Variants in SELE observed in about 807,000 individuals in gnomAD.
SELE encodes E-selectin.
A neutral mutation model predicts 75.8 loss-of-function variants in SELE; 52 were observed. The observed-to-expected ratio is 0.69, with a 90% confidence interval of 0.55 to 0.86. SELE has a LOEUF of 0.86. SELE is among the 40% of genes least tolerant of loss of function. The pLI, the probability that SELE is intolerant of heterozygous loss-of-function variation, is 0.00. For missense variants in SELE, 754 were observed against 732.7 expected (o/e 1.03, Z -0.34); for synonymous variants, 285 against 258.7 (o/e 1.10, Z -0.98).
chr1:169,730,610 G>A lies in SELE; in HGVS notation c.537C>T (p.Asn179=), dbSNP rs57043534. 210 of 1,599,982 alleles carry A rather than the reference G, an allele frequency of 1.3e-4. 2 individuals are homozygous for A. In the African/African-American group the frequency reaches 2.5e-3, roughly 19 times the overall value. ...FSGLKCEQIV[N]CTALESPEHG... ...GCTCAGGGGATTCCAGGGCTGTACA[G>A]TTCACAACTGAAAAAGAAACCCAAA... The change falls in exon 5 of 14, where the codon AAC becomes AAT. Residue 179 remains asparagine (N), a synonymous_variant. Transcript: ENST00000333360.
chr1:169,733,431 G>A, intron 2 of SELE, 145 bp downstream of exon 2: 1 of 784,758 alleles, frequency 1.3e-6, no homozygotes, highest in Non-Finnish European at 2.2e-6. Flanking sequence ...ATGACCCCAA[G>A]CCCAGGGAAG....
chr1:169,727,249 CT>C (rs1187120354), intron 10 of SELE, 99 bp downstream of exon 10: 1 of 1,349,320 alleles, frequency 7.4e-7, no homozygotes, highest in Admixed American at 2.4e-5. Flanking sequence ...CCTGGGCGAA[CT>C]TTCTGGTTTG....
Position 169,727,389 on chromosome 1 carries a change from T to A in SELE, c.1605A>T (p.Gly535=). 6.2e-7 allele frequency: 1 copy of A among 1,614,144 alleles called. No individual in the cohort carries two copies. Among genetic ancestry groups the A allele is most frequent in the Non-Finnish European group, 8.5e-7 (1 of 1,180,016 alleles). Residue 535 remains glycine, a synonymous_variant, in exon 10 of 14, where the codon GGA becomes GGT. Transcript: ENST00000333360. ...TLNGSAARTC[G]ATGHWSGLLP... is the part of the protein sequence containing the mutation. ...GCAGGCCAGACCAGTGTCCTGTGGC[T>A]CCACATGTCCGAGCTGCAGAGCCAT...
intron 3 of SELE, among the ~76,000 whole-genome samples, chr1:169,732,298 T>C (rs1385681308): frequency 6.6e-6 from 1 of 150,686 alleles, no homozygotes; most frequent in Admixed American, 6.7e-5. Context: ...ATATTTTATA[T>C]ATATACATAC....
intron 1 of SELE, 23 bp from the exon 2 acceptor site, chr1:169,733,683 G>A: frequency 6.9e-7 from 1 of 1,449,148 alleles, no homozygotes. Context: ...AACACAAAAT[G>A]AATTAAAGAA....
chr1:169,725,826 G>C, intron 12 of SELE, 25 bp from the exon 13 acceptor site: 1 of 1,613,858 alleles, frequency 6.2e-7, no homozygotes, highest in Non-Finnish European at 8.5e-7. Flanking sequence ...AGAACACTAG[G>C]TAAAGCACTG....
chr1:169,730,281 C>T (rs557651968), intron 5 of SELE, 151 bp downstream of exon 5: 4 of 638,098 alleles, frequency 6.3e-6, no homozygotes, highest in East Asian at 2.8e-5. Context: ...ACTGGGTTGG[C>T]AATATACATT....
rs1221877702 is a variant in SELE at position 169,730,440 on chromosome 1, G to T, written c.707C>A (p.Ala236Asp). 4.4e-6 allele frequency: 7 copies of T among 1,588,634 alleles called. No individual in the cohort carries two copies. The Admixed American group carries it at 5.0e-5, about 11-fold the overall frequency. ...SSGEWSAPIP[A>D]CNVVECDAVT... ...TTCTCAGAGGGATTTACCATTGCAGGCTGGAATAGGAGCACTCCATTCTCC... is the reference window on the plus strand; with the variant it reads ...TTCTCAGAGGGATTTACCATTGCAGTCTGGAATAGGAGCACTCCATTCTCC... The change falls in exon 5 of 14, where the codon GCC (alanine) becomes GAC (aspartate). Residue 236 changes from alanine (A) to aspartate (D), a missense_variant. Physicochemically the swap from Ala to Asp is moderately radical, Grantham distance 126. Coordinates refer to ENST00000333360, the MANE Select transcript of SELE (RefSeq NM_000450.2).
In SELE at chr1:169,725,759, A is replaced by T. The variant is rs376451306; in HGVS notation, c.1818T>A (p.Pro606=). The T allele has an allele frequency of 6.2e-7, 1 of 1,613,964 alleles. No homozygotes were observed. The highest frequency in any genetic ancestry group is 8.5e-7 in the Non-Finnish European group (1 of 1,179,964). ...TCTTTTGAACTTAAAGGATGTAAGA[A>T]GGCTTTTGGTAGCTTCCATCTGATT... is the stretch of plus-strand genomic sequence containing the variant. The part of the protein sequence containing the change: ...SLESDGSYQK[P]SYIL Residue 606 remains proline, a synonymous_variant, in exon 13 of 14, where the codon CCT becomes CCA. Transcript: ENST00000333360.
intron 5 of SELE, 23 bp downstream of exon 5, chr1:169,730,409 T>A (rs763665825): frequency 6.4e-7 from 1 of 1,550,948 alleles, no homozygotes; most frequent in Admixed American, 1.8e-5. Context: ...CAGAACGTTC[T>A]GTGCATTCTC....
rs1001750675 is a variant in SELE at position 169,727,741 on chromosome 1, T to C, written c.1466A>G (p.Gln489Arg). ...GQWTEEVPSC[Q>R]VVKCSSLAVP... ...AAAAAGTCTGCACTCAATTCTACCT[T>C]GGCAGGAAGGAACCTCTTCTGTCCA... is the stretch of plus-strand genomic sequence containing the variant. The change falls in exon 9 of 14, where the codon CAA (glutamine) becomes CGA (arginine). Residue 489 changes from glutamine (Q) to arginine (R), a missense_variant and splice_region_variant. Transcript: ENST00000333360. The C allele has an allele frequency of 6.2e-7, 1 of 1,613,506 alleles. No homozygotes were observed. Among genetic ancestry groups the C allele is most frequent in the Non-Finnish European group, 8.5e-7 (1 of 1,179,628 alleles).
At chr1:169,732,381 TAC>T (rs145745131) in intron 3 of SELE, among the ~76,000 whole-genome samples, 11,681 of 149,620 alleles carry the variant, frequency 0.078, 544 homozygotes, top group Middle Eastern at 0.11. Context: ...TATATATATA[TAC>T]ACACACACAT....
At chr1:169,733,057 A>T (rs772013048) in intron 2 of SELE, 59 bp from the exon 3 acceptor site, 5 of 1,460,704 alleles carry the variant, frequency 3.4e-6, no homozygotes, top group Non-Finnish European at 4.5e-6. Flanking sequence ...TTTAACTCTG[A>T]CAACTGTGCT....
chr1:169,729,820 G>A, intron 5 of SELE, 147 bp from the exon 6 acceptor site: 1 of 653,576 alleles, frequency 1.5e-6, no homozygotes, highest in Non-Finnish European at 2.6e-6. Context: ...TGCACAGCCA[G>A]AATAAAAGCT....
At chr1:169,730,370 A>G (rs992947075) in intron 5 of SELE, 62 bp downstream of exon 5, 3 of 1,368,148 alleles carry the variant, frequency 2.2e-6, no homozygotes, top group Non-Finnish European at 2.9e-6. Context: ...AAGTTGAATC[A>G]AAAAACAGAA....
intron 9 of SELE, 41 bp downstream of exon 9, chr1:169,727,698 T>C (rs553043854): frequency 1.9e-6 from 3 of 1,594,068 alleles, no homozygotes; most frequent in Non-Finnish European, 2.6e-6. Flanking sequence ...CTTTATGAAG[T>C]ATTTGACCTG....
Position 169,733,716 on chromosome 1 carries a change from C to T in SELE, c.-48-56G>A, listed in dbSNP as rs1227628433. 3 of 1,123,886 alleles carry T rather than the reference C, an allele frequency of 2.7e-6. No homozygotes were observed. In the African/African-American group the frequency reaches 4.6e-5, roughly 17 times the overall value. The allele number at this position is 1,123,886 out of a possible 1,614,324, so 69.6% of individuals were successfully genotyped here. A position where few individuals can be genotyped will look rare whatever the true frequency, so the allele number is the denominator to read the frequency against. On this transcript the variant is annotated intron_variant, in intron 1 of 13. Transcript: ENST00000333360. ...GAAGGAAATCGTGGGTAGCTAGTTA[C>T]ATTATTCTACCATGATGTTTAAGGC...
intron 3 of SELE, among the ~76,000 whole-genome samples, chr1:169,732,208 TAAAC>T (rs1027402486): frequency 1.5e-4 from 23 of 151,896 alleles, no homozygotes; most frequent in African/African-American, 5.1e-4. Flanking sequence ...CTACCACAAA[TAAAC>T]AAGTAATTAA....
rs267598160 is a variant in SELE at position 169,729,277 on chromosome 1, G to A, written c.999C>T (p.Phe333=). 1.9e-6 allele frequency: 3 copies of A among 1,614,002 alleles called. No homozygotes were observed. Among genetic ancestry groups the A allele is most frequent in the Non-Finnish European group, 2.5e-6 (3 of 1,180,010 alleles). The change falls in exon 7 of 14, where the codon TTC becomes TTT. Residue 333 remains phenylalanine (F), a synonymous_variant. Transcript: ENST00000333360. ...GCAACATGAAGCCTTCCTCACAGGT[G>A]AAGTTGCAGGATGATTTGAAGGTGA... The part of the protein sequence containing the change: ...GEFTFKSSCN[F]TCEEGFMLQG...
Sources: allele counts gnomAD v4.1 joint callset (sites outside exome capture counted in the v4.1 genomes callset), GRCh38; gene constraint gnomAD v4.1.1; transcripts MANE v1.5; gene names NCBI Gene and HGNC (gene_info 2026-07-23, HGNC 2026-07-21).